Variants in ITPRID1 observed in about 807,000 individuals in gnomAD.
ITPRID1 encodes ITPR interacting domain containing 1, also known as protein ITPRID1.
Under a neutral mutation model 95.4 loss-of-function variants are expected in ITPRID1, and 96 were observed. The ratio of observed to expected loss-of-function variants is 1.01; its 90% CI spans 0.85 to 1.19. The LOEUF (loss-of-function observed/expected upper bound fraction) is 1.19. Among genes scored for constraint, ITPRID1 ranks in the 50% most tolerant of loss-of-function variants. ITPRID1 has a pLI of 0.00. For synonymous variants in ITPRID1, 510 were observed against 453.6 expected, an observed-to-expected ratio of 1.12 and a Z score of -1.58; for missense variants, 1,339 against 1,252.9, an observed-to-expected ratio of 1.07 and a Z score of -1.04.
At chr7:31,530,475 G>T (rs2128129951) in intron 1 of ITPRID1, among the ~76,000 whole-genome samples, 2 of 152,214 alleles carry the variant, frequency 1.3e-5, no homozygotes, top group Admixed American at 1.3e-4. Context: ...GCGTATCTGG[G>T]GGGTATAAGT....
At chr7:31,583,010 T>C (rs1785459984) in intron 9 of ITPRID1, 124 bp from the exon 10 acceptor site, 2 of 607,870 alleles carry the variant, frequency 3.3e-6, no homozygotes, top group Non-Finnish European at 5.9e-6. Context: ...GATTGCAAGT[T>C]ATTTGAGTTC....
chr7:31,598,575 T>C (rs1786202044), intron 10 of ITPRID1, among the ~76,000 whole-genome samples: 1 of 151,876 alleles, frequency 6.6e-6, no homozygotes, highest in Non-Finnish European at 1.5e-5. Context: ...GGCTACTTTT[T>C]TGTATTTTTA....
chr7:31,616,956 T>C (rs576587946), intron 10 of ITPRID1, among the ~76,000 whole-genome samples: 1 of 152,310 alleles, frequency 6.6e-6, no homozygotes, highest in African/African-American at 2.4e-5. Context: ...CCAATCTAGA[T>C]AATTATATCT....
chr7:31,546,244 A>G (rs1362266304), intron 1 of ITPRID1, among the ~76,000 whole-genome samples: 2 of 152,100 alleles, frequency 1.3e-5, no homozygotes, highest in Admixed American at 6.6e-5. Context: ...TTCCTTGGCA[A>G]TGGATTAAGA....
chr7:31,627,659 C>CAAAAAAAAAAAAAAAAAAAAAAAAAA (rs3078462), intron 10 of ITPRID1, among the ~76,000 whole-genome samples: 1 of 75,518 alleles, frequency 1.3e-5, no homozygotes, highest in Non-Finnish European at 2.4e-5. Flanking sequence ...GACACTGTCT[C>CAAAAAAAAAAAAAAAAAAAAAAAAAA]AAAAAAAAAA....
At chr7:31,619,341 T>C (rs1248627271) in intron 10 of ITPRID1, among the ~76,000 whole-genome samples, 6 of 152,218 alleles carry the variant, frequency 3.9e-5, no homozygotes, top group African/African-American at 7.2e-5. Flanking sequence ...CCAACAATGA[T>C]TGGTGACAAA....
At position 31,520,178 on chromosome 7, in the gene ITPRID1, G is replaced by C. The variant is rs545608374; in HGVS notation, c.-98+6058G>C. Among the ~76,000 whole-genome samples the C allele has an allele frequency of 1.7e-4, 26 of 151,876 alleles. No homozygotes were observed. The South Asian group carries it at 5.4e-3, about 32-fold the overall frequency. On this transcript the variant is annotated intron_variant, in intron 1 of 14. Transcript: ENST00000615280. Reference sequence around the variant, plus strand: ...TTATTACACTGGGGTTATGGGTTTGGGGGAGGGAGACCACAAAGGTAAAAT... The same window carrying C: ...TTATTACACTGGGGTTATGGGTTTGCGGGAGGGAGACCACAAAGGTAAAAT...
At chr7:31,638,503 G>A (rs897059531) in intron 10 of ITPRID1, among the ~76,000 whole-genome samples, 3 of 151,976 alleles carry the variant, frequency 2.0e-5, no homozygotes, top group African/African-American at 4.8e-5. Context: ...AATCCCACAC[G>A]ACATTGTTAA....
intron 10 of ITPRID1, among the ~76,000 whole-genome samples, chr7:31,640,045 C>A (rs1217985417): frequency 6.6e-6 from 1 of 152,048 alleles, no homozygotes; most frequent in Admixed American, 6.5e-5. Flanking sequence ...CATAAATATT[C>A]TTTTGCTTAT....
chr7:31,594,328 G>A (rs1291397210), intron 10 of ITPRID1, among the ~76,000 whole-genome samples: 1 of 152,186 alleles, frequency 6.6e-6, no homozygotes, highest in Non-Finnish European at 1.5e-5. Flanking sequence ...GTTGTTAGAT[G>A]TTAAGTAACA....
chr7:31,621,556 T>C (rs1787896672), intron 10 of ITPRID1, among the ~76,000 whole-genome samples: 1 of 147,636 alleles, frequency 6.8e-6, no homozygotes, highest in South Asian at 2.2e-4. Flanking sequence ...AAGCAAATGC[T>C]GAGAGATTTT....
Position 31,642,850 on chromosome 7 carries a change from G to T in ITPRID1, c.1480G>T (p.Glu494Ter). Residue 494 changes from glutamate to a stop codon, truncating the protein, a stop_gained, in exon 12 of 15, where the codon GAA becomes TAA. Coordinates refer to ENST00000615280, the MANE Select transcript of ITPRID1 (RefSeq NM_001257967.3). LOFTEE classifies it high-confidence loss of function. ...SFSSQEANALEQRASVSVMEE... is the reference protein window; with the variant it reads ...SFSSQEANAL Reference sequence around the variant, plus strand: ...TTCAAGCCAAGAAGCGAATGCCTTGGAACAAAGGGCCTCAGTATCTGTGAT... The same window carrying T: ...TTCAAGCCAAGAAGCGAATGCCTTGTAACAAAGGGCCTCAGTATCTGTGAT... 6.2e-7 allele frequency: 1 copy of T among 1,614,034 alleles called. No homozygotes were observed. Among genetic ancestry groups the T allele is most frequent in the Non-Finnish European group, 8.5e-7 (1 of 1,179,906 alleles).
chr7:31,519,755 T>C (rs1267539726), intron 1 of ITPRID1, among the ~76,000 whole-genome samples: 2 of 150,654 alleles, frequency 1.3e-5, no homozygotes, highest in African/African-American at 4.9e-5. Flanking sequence ...CAAAATATCT[T>C]TTAATCCAAC....
At chr7:31,626,858 A>C (rs2128187759) in intron 10 of ITPRID1, among the ~76,000 whole-genome samples, 1 of 152,372 alleles carries the variant, frequency 6.6e-6, no homozygotes, top group South Asian at 2.1e-4. Flanking sequence ...ACATTGCCTA[A>C]CACACAGTAA....
At chr7:31,518,349 G>T (rs186281416) in intron 1 of ITPRID1, 1 of 152,326 alleles carries the variant, frequency 6.6e-6, no homozygotes, top group East Asian at 1.9e-4. Flanking sequence ...TAATAAATGT[G>T]TGTTGCCTAA....
At chr7:31,644,261 A>G (rs1409727750) in intron 12 of ITPRID1, among the ~76,000 whole-genome samples, 1 of 150,152 alleles carries the variant, frequency 6.7e-6, no homozygotes, top group East Asian at 2.0e-4. Flanking sequence ...GCATTAATGC[A>G]TCTGTAACTC....
chr7:31,610,836 C>T (rs2128164544), intron 10 of ITPRID1, among the ~76,000 whole-genome samples: 1 of 151,350 alleles, frequency 6.6e-6, no homozygotes, highest in South Asian at 2.1e-4. Flanking sequence ...TTACTTGGAA[C>T]CTATGTGTTT....
At chr7:31,645,605 A>G (rs1456331348) in intron 12 of ITPRID1, among the ~76,000 whole-genome samples, 1 of 151,878 alleles carries the variant, frequency 6.6e-6, no homozygotes, top group Non-Finnish European at 1.5e-5. Flanking sequence ...CATCACCACC[A>G]CCCACCACCA....
intron 10 of ITPRID1, among the ~76,000 whole-genome samples, chr7:31,623,077 G>A (rs1450700512): frequency 4.6e-5 from 7 of 152,114 alleles, no homozygotes; most frequent in Admixed American, 6.5e-5. Flanking sequence ...CTCTGAATAG[G>A]CCAATAACAG....
Sources: allele counts gnomAD v4.1 joint callset (sites outside exome capture counted in the v4.1 genomes callset), GRCh38; gene constraint gnomAD v4.1.1; transcripts MANE v1.5; gene names NCBI Gene and HGNC (gene_info 2026-07-23, HGNC 2026-07-21).